AGBL1: variants seen among roughly 807,000 people sequenced by gnomAD.
AGBL1 encodes AGBL carboxypeptidase 1.
Under a neutral mutation model 118.9 loss-of-function variants are expected in AGBL1, and 130 were observed. The ratio of observed to expected loss-of-function variants is 1.09; its 90% CI spans 0.95 to 1.26. The LOEUF (loss-of-function observed/expected upper bound fraction) is 1.26, where lower values mean the gene tolerates loss of function less well. Ranked by LOEUF, AGBL1 falls within the 50% of genes most tolerant of loss-of-function variation. The pLI is 0.00. For synonymous variants in AGBL1, 555 were observed against 478.9 expected, an observed-to-expected ratio of 1.16 and a Z score of -2.08; for missense variants, 1,584 against 1,298.1, an observed-to-expected ratio of 1.22 and a Z score of -3.38.
chr15:86,739,104 C>T (rs1194089647), intron 22 of AGBL1, among the ~76,000 whole-genome samples: 1 of 152,106 alleles, frequency 6.6e-6, no homozygotes, highest in Non-Finnish European at 1.5e-5. Flanking sequence ...CATGATCACA[C>T]CACTGCATTC....
intron 21 of AGBL1, among the ~76,000 whole-genome samples, chr15:86,668,246 C>G (rs1156259486): frequency 6.6e-6 from 1 of 152,162 alleles, no homozygotes; most frequent in African/African-American, 2.4e-5. Context: ...TATCATCCAC[C>G]TTTGAGATAT....
intron 16 of AGBL1, among the ~76,000 whole-genome samples, chr15:86,285,878 C>G (rs2079127899): frequency 6.6e-6 from 1 of 152,140 alleles, no homozygotes; most frequent in Non-Finnish European, 1.5e-5. Context: ...GCTCATGTGC[C>G]CTATGATACT....
intron 21 of AGBL1, among the ~76,000 whole-genome samples, chr15:86,588,019 T>C (rs1010326696): frequency 6.6e-6 from 1 of 152,196 alleles, no homozygotes; most frequent in Non-Finnish European, 1.5e-5. Flanking sequence ...GGATTACTAA[T>C]AACTAACATA....
intron 24 of AGBL1, among the ~76,000 whole-genome samples, chr15:87,002,872 T>C (rs1236350887): frequency 1.3e-5 from 2 of 152,178 alleles, no homozygotes; most frequent in East Asian, 1.9e-4. Flanking sequence ...CTTAAGAAGA[T>C]TTTGGGCTGA....
At chr15:86,921,278 C>T (rs915236543) in intron 23 of AGBL1, among the ~76,000 whole-genome samples, 3 of 152,106 alleles carry the variant, frequency 2.0e-5, no homozygotes, top group African/African-American at 2.4e-5. Context: ...ATGGGACTTC[C>T]TCCAGGCTCC....
chr15:86,646,950 A>T (rs2142483953), intron 21 of AGBL1, among the ~76,000 whole-genome samples: 1 of 152,308 alleles, frequency 6.6e-6, no homozygotes, highest in East Asian at 1.9e-4. Context: ...AGTTTTTTAA[A>T]GTGTCATGAC....
intron 22 of AGBL1, among the ~76,000 whole-genome samples, chr15:86,822,584 A>G (rs1177233690): frequency 1.3e-5 from 2 of 152,136 alleles, no homozygotes; most frequent in African/African-American, 4.8e-5. Flanking sequence ...GGAATTGTGG[A>G]GTTGGGTGGT....
intron 18 of AGBL1, among the ~76,000 whole-genome samples, chr15:86,459,896 C>T (rs8028404): frequency 0.46 from 69,488 of 151,810 alleles, 16,488 homozygotes; most frequent in Middle Eastern, 0.55. Context: ...GCTTACATAG[C>T]TACAGTGACC....
chr15:86,798,871 T>G (rs934655496), intron 22 of AGBL1, among the ~76,000 whole-genome samples: 1 of 151,994 alleles, frequency 6.6e-6, no homozygotes, highest in African/African-American at 2.4e-5. Flanking sequence ...TTGATTATTA[T>G]TGTTGGAAGT....
At chr15:86,383,247 TAAAAAAAA>T (rs4035838) in intron 17 of AGBL1, among the ~76,000 whole-genome samples, 4 of 54,478 alleles carry the variant, frequency 7.3e-5, no homozygotes, top group African/African-American at 1.6e-4. Flanking sequence ...ATTCAGTATG[TAAAAAAAA>T]AAAAAAAAAA....
chr15:86,675,711 T>C (rs1450062211), intron 22 of AGBL1, among the ~76,000 whole-genome samples: 1 of 152,158 alleles, frequency 6.6e-6, no homozygotes, highest in East Asian at 1.9e-4. Flanking sequence ...TTTCAACTTG[T>C]CTTTTCATCT....
intron 18 of AGBL1, among the ~76,000 whole-genome samples, chr15:86,405,738 A>T (rs2081517523): frequency 6.6e-6 from 1 of 152,178 alleles, no homozygotes; most frequent in Non-Finnish European, 1.5e-5. Flanking sequence ...CCAAGATAAT[A>T]GGTGTTTCAA....
chr15:86,870,732 G>A (rs941357708), intron 22 of AGBL1, among the ~76,000 whole-genome samples: 2 of 152,162 alleles, frequency 1.3e-5, no homozygotes, highest in East Asian at 1.9e-4. Flanking sequence ...GAGATGCAGT[G>A]TAATCATGGC....
chr15:86,228,283 C>G (rs2078399425), intron 6 of AGBL1, among the ~76,000 whole-genome samples: 1 of 152,194 alleles, frequency 6.6e-6, no homozygotes, highest in Admixed American at 6.5e-5. Context: ...AAATTCAAGA[C>G]TTCACCATCT....
At chr15:86,633,383 A>G (rs894318232) in intron 21 of AGBL1, among the ~76,000 whole-genome samples, 1 of 152,172 alleles carries the variant, frequency 6.6e-6, no homozygotes, top group Non-Finnish European at 1.5e-5. Flanking sequence ...CTAAGTTAAA[A>G]AAATCTCTAT....
chr15:86,898,715 A>G (rs1434805631), intron 22 of AGBL1, among the ~76,000 whole-genome samples: 1 of 152,186 alleles, frequency 6.6e-6, no homozygotes, highest in African/African-American at 2.4e-5. Flanking sequence ...AACCCTATTA[A>G]AAATGGGCAA....
intron 18 of AGBL1, among the ~76,000 whole-genome samples, chr15:86,460,874 T>G (rs2082326534): frequency 6.6e-6 from 1 of 152,214 alleles, no homozygotes; most frequent in Non-Finnish European, 1.5e-5. Context: ...CCACTCTGCC[T>G]CTTGGGTCAC....
chr15:86,546,319 T>C (rs563850471), intron 20 of AGBL1, among the ~76,000 whole-genome samples, 186 bp downstream of exon 20: 27 of 152,264 alleles, frequency 1.8e-4, no homozygotes, highest in African/African-American at 6.5e-4. Context: ...CTAATTTTTG[T>C]TGAATAATGA....
intron 1 of AGBL1, among the ~76,000 whole-genome samples, chr15:86,081,556 T>C (rs938551753): frequency 1.4e-4 from 22 of 152,220 alleles, no homozygotes; most frequent in African/African-American, 3.9e-4. Flanking sequence ...TGAGAATGTA[T>C]CTGACCAGGG....
Sources: gnomAD v4.1 joint callset for allele counts (sites outside exome capture counted in the v4.1 genomes callset) on GRCh38, gnomAD v4.1.1 for gene constraint, MANE v1.5 for transcripts, NCBI Gene and HGNC (gene_info 2026-07-23, HGNC 2026-07-21) for gene names.